Variants in AGBL1 observed in about 807,000 individuals in gnomAD.
AGBL1 encodes the protein cytosolic carboxypeptidase 4.
Under a neutral mutation model 118.9 loss-of-function variants are expected in AGBL1, and 130 were observed. The ratio of observed to expected loss-of-function variants is 1.09; its 90% CI spans 0.95 to 1.26. The LOEUF is 1.26. Among genes scored for constraint, AGBL1 ranks in the 50% most tolerant of loss-of-function variants. The pLI is 0.00. For missense variants in AGBL1, 1,584 were observed against 1,298.1 expected (o/e 1.22, Z -3.38); for synonymous variants, 555 against 478.9 (o/e 1.16, Z -2.08).
Position 86,262,771 on chromosome 15 carries a change from A to C in AGBL1, c.970-7A>C, listed in dbSNP as rs777745123. ...CTGTAATCTCTTCTATGACTATTCC[A>C]TTTTAGGATGATGACTTGGAAACAG... On this transcript the variant is annotated splice_polypyrimidine_tract_variant and splice_region_variant and intron_variant, in intron 9 of 22. Coordinates refer to ENST00000614907, the MANE Select transcript of AGBL1 (RefSeq NM_001386094.1). 17 of 1,579,678 alleles carry C rather than the reference A, an allele frequency of 1.1e-5. No individual in the cohort carries two copies. The South Asian group carries it at 1.5e-4, about 14-fold the overall frequency.
At chr15:86,082,062 T>C (rs1305186769) in intron 1 of AGBL1, among the ~76,000 whole-genome samples, 1 of 152,140 alleles carries the variant, frequency 6.6e-6, no homozygotes, top group Non-Finnish European at 1.5e-5. Context: ...TTGATCAGAG[T>C]TTGGTTTAGA....
intron 22 of AGBL1, among the ~76,000 whole-genome samples, chr15:86,752,186 CA>C (rs962853510): frequency 2.6e-5 from 4 of 152,162 alleles, no homozygotes; most frequent in African/African-American, 9.6e-5. Flanking sequence ...GGATGGAGAC[CA>C]AAAGGCTAAA....
chr15:86,715,918 G>A (rs1313698977), intron 22 of AGBL1, among the ~76,000 whole-genome samples: 1 of 151,830 alleles, frequency 6.6e-6, no homozygotes, highest in Non-Finnish European at 1.5e-5. Context: ...AATTAGTCAG[G>A]CGTGGTGGTG....
At chr15:86,481,827 A>G (rs977644291) in intron 18 of AGBL1, among the ~76,000 whole-genome samples, 5 of 152,116 alleles carry the variant, frequency 3.3e-5, no homozygotes, top group African/African-American at 1.2e-4. Flanking sequence ...TGAAATCCCA[A>G]TATAGCATCT....
At chr15:86,725,664 C>T (rs1204934443) in intron 22 of AGBL1, among the ~76,000 whole-genome samples, 4 of 152,188 alleles carry the variant, frequency 2.6e-5, no homozygotes, top group Admixed American at 2.6e-4. Flanking sequence ...AGTAGGGTTT[C>T]TTTCTACTGG....
chr15:86,598,586 G>T (rs1290064533), intron 21 of AGBL1, among the ~76,000 whole-genome samples: 1 of 152,028 alleles, frequency 6.6e-6, no homozygotes, highest in Non-Finnish European at 1.5e-5. Flanking sequence ...ATTCCATCTA[G>T]GGCAGAAGTA....
chr15:86,916,110 A>T lies in AGBL1; in HGVS notation c.*8816A>T, dbSNP rs1015793407. The T allele has an allele frequency of 6.6e-6, 1 of 152,228 alleles. No individual in the cohort carries two copies. Among genetic ancestry groups the T allele is most frequent in the Non-Finnish European group, 1.5e-5 (1 of 68,056 alleles). 9.4% of individuals were successfully genotyped at this position (152,228 alleles called of 1,614,324 possible). ...AGCAAGCCTAAGCTGGGCACATAGG[A>T]ACGGAAATGCATTGACTTTAATAAA... is the stretch of plus-strand genomic sequence containing the variant. On this transcript the variant is annotated 3_prime_UTR_variant, in exon 23 of 23. Transcript: ENST00000614907.
chr15:86,945,425 T>A (rs895235703), intron 23 of AGBL1, among the ~76,000 whole-genome samples: 1 of 151,970 alleles, frequency 6.6e-6, no homozygotes, highest in Non-Finnish European at 1.5e-5. Context: ...TCCCAGCAGT[T>A]TGGGGAGCCG....
At chr15:86,385,929 C>T (rs1396110711) in intron 17 of AGBL1, among the ~76,000 whole-genome samples, 4 of 110,392 alleles carry the variant, frequency 3.6e-5, no homozygotes, top group East Asian at 3.0e-4. Flanking sequence ...CTCCTCCTCC[C>T]CCTCCCCTCC....
intron 22 of AGBL1, among the ~76,000 whole-genome samples, chr15:86,741,785 C>G (rs533427260): frequency 3.3e-5 from 5 of 152,000 alleles, no homozygotes; most frequent in South Asian, 2.1e-4. Context: ...TTTTTTTTAA[C>G]CTCTCCTTGT....
intron 23 of AGBL1, among the ~76,000 whole-genome samples, chr15:86,931,913 TA>T (rs201356713): frequency 2.0e-5 from 3 of 151,590 alleles, no homozygotes; most frequent in South Asian, 2.1e-4. Flanking sequence ...ATGCAAGCAG[TA>T]AAAAAAAATC....
chr15:86,129,178 C>T (rs939686381), intron 1 of AGBL1, among the ~76,000 whole-genome samples: 2 of 152,022 alleles, frequency 1.3e-5, no homozygotes, highest in African/African-American at 2.4e-5. Context: ...CAATTTAATT[C>T]CTGGTTATTG....
intron 17 of AGBL1, among the ~76,000 whole-genome samples, chr15:86,313,371 A>G (rs1025069600): frequency 2.2e-4 from 34 of 152,366 alleles, no homozygotes; most frequent in African/African-American, 8.2e-4. Flanking sequence ...TTACGCAAAC[A>G]ACATTTATTC....
At chr15:86,590,276 A>G (rs538347383) in intron 21 of AGBL1, among the ~76,000 whole-genome samples, 1 of 152,206 alleles carries the variant, frequency 6.6e-6, no homozygotes. Flanking sequence ...AGTTCCCATA[A>G]TCTCCATGTG....
chr15:86,781,040 T>C (rs1330266047), intron 22 of AGBL1, among the ~76,000 whole-genome samples: 1 of 152,220 alleles, frequency 6.6e-6, no homozygotes, highest in East Asian at 1.9e-4. Context: ...AATTTATTCC[T>C]AAGTATTTAA....
At chr15:86,871,307 A>G (rs760755728) in intron 22 of AGBL1, among the ~76,000 whole-genome samples, 3 of 152,204 alleles carry the variant, frequency 2.0e-5, no homozygotes, top group South Asian at 2.1e-4. Flanking sequence ...AAAAGGATCA[A>G]GCTTGACCTC....
At chr15:87,029,196 C>T (rs2081763256), downstream of AGBL1, 1 of 190,326 alleles carries the variant, frequency 5.3e-6, no homozygotes, top group African/African-American at 2.3e-5. Flanking sequence ...TGTCTCTTAC[C>T]AAGGCAGCTT....
At chr15:86,968,013 T>G (rs151064449) in intron 23 of AGBL1, among the ~76,000 whole-genome samples, 3,188 of 152,160 alleles carry the variant, frequency 0.021, 122 homozygotes, top group African/African-American at 0.073. Context: ...GAGCAGTGGT[T>G]TGTTGTTCTC....
chr15:86,292,910 T>G (rs981979389), intron 16 of AGBL1, among the ~76,000 whole-genome samples: 4 of 152,180 alleles, frequency 2.6e-5, no homozygotes, highest in Non-Finnish European at 5.9e-5. Flanking sequence ...GGTTGGGGAA[T>G]AATAGTCATG....
Sources: gnomAD v4.1 joint callset for allele counts (sites outside exome capture counted in the v4.1 genomes callset) on GRCh38, gnomAD v4.1.1 for gene constraint, MANE v1.5 for transcripts, NCBI Gene and HGNC (gene_info 2026-07-23, HGNC 2026-07-21) for gene names.